Variants in COG5 observed in about 807,000 individuals in gnomAD.
COG5 encodes conserved oligomeric Golgi complex subunit 5.
In COG5, 86 loss-of-function variants were observed where a neutral mutation model predicts 110.4. The observed-to-expected ratio is 0.78, with a 90% confidence interval of 0.65 to 0.93. The LOEUF (loss-of-function observed/expected upper bound fraction) is 0.93, where lower values mean the gene tolerates loss of function less well. COG5 is among the 40% of genes least tolerant of loss of function. The pLI, the probability that COG5 is intolerant of heterozygous loss-of-function variation, is 0.00. For missense variants in COG5, 1,077 were observed against 987.0 expected (o/e 1.09, Z -1.22); for synonymous variants, 360 against 334.6 (o/e 1.08, Z -0.83).
chr7:107,400,241 C>T (rs138527952), intron 7 of COG5, among the ~76,000 whole-genome samples: 130 of 152,158 alleles, frequency 8.5e-4, no homozygotes, highest in Non-Finnish European at 1.6e-3. Context: ...TATCAATGCA[C>T]ATAACATGCA....
Position 107,295,066 on chromosome 7 carries a change from CATATATATAT to C in COG5, c.1313+3066_1313+3075del, listed in dbSNP as rs1186377118. 3.6e-3 allele frequency among the ~76,000 whole-genome samples: 166 copies of C among 45,830 alleles called. 3 individuals are homozygous for C. The highest frequency in any genetic ancestry group is 0.013 in the African/African-American group (139 of 11,086). 30.1% of individuals were successfully genotyped at this position (45,830 alleles called of 152,430 possible). A position where few individuals can be genotyped will look rare whatever the true frequency, so the allele number is the denominator to read the frequency against. Reference sequence around the variant, plus strand: ...ACACACACACACACACACACACACACATATATATATATATATATATATATATATATATATA... The same window carrying C: ...ACACACACACACACACACACACACACATATATATATATATATATATATATA... On this transcript the variant is annotated intron_variant, in intron 12 of 21. Coordinates refer to ENST00000297135, the MANE Select transcript of COG5 (RefSeq NM_006348.5).
intron 6 of COG5, among the ~76,000 whole-genome samples, chr7:107,512,054 G>A (rs1799558019): frequency 6.6e-6 from 1 of 152,154 alleles, no homozygotes; most frequent in Non-Finnish European, 1.5e-5. Flanking sequence ...AGGGCAATTA[G>A]GCAGGAGAAG....
intron 6 of COG5, among the ~76,000 whole-genome samples, chr7:107,451,957 T>A (rs564420003): frequency 6.6e-6 from 1 of 152,138 alleles, no homozygotes; most frequent in African/African-American, 2.4e-5. Context: ...AGCCCCCACA[T>A]TGTTCAAGGA....
chr7:107,501,334 A>T (rs1202041652), intron 6 of COG5, among the ~76,000 whole-genome samples: 1 of 152,148 alleles, frequency 6.6e-6, no homozygotes, highest in African/African-American at 2.4e-5. Context: ...AAACTTTGAT[A>T]CATTACTAGT....
intron 19 of COG5, among the ~76,000 whole-genome samples, chr7:107,212,567 G>A (rs1481906559): frequency 6.6e-6 from 1 of 152,216 alleles, no homozygotes; most frequent in Non-Finnish European, 1.5e-5. Context: ...AAAGCTCCTA[G>A]TTTTAACATA....
chr7:107,209,290 T>C (rs1376448303), intron 21 of COG5: 7 of 964,730 alleles, frequency 7.3e-6, no homozygotes, highest in Non-Finnish European at 8.6e-6. Context: ...TGAATGATGA[T>C]GTAAAGGTTT....
chr7:107,549,950 T>C (rs1448404157), intron 3 of COG5, among the ~76,000 whole-genome samples: 3 of 152,204 alleles, frequency 2.0e-5, no homozygotes, highest in African/African-American at 7.2e-5. Context: ...CATACATCTA[T>C]GTAAAAAGAT....
chr7:107,391,560 T>C (rs181089420), intron 7 of COG5, among the ~76,000 whole-genome samples: 50 of 152,318 alleles, frequency 3.3e-4, no homozygotes, highest in African/African-American at 1.2e-3. Context: ...CACTGCCAAA[T>C]CCAATGTCAT....
intron 5 of COG5, among the ~76,000 whole-genome samples, chr7:107,546,469 T>A (rs1802466481): frequency 7.8e-6 from 1 of 128,446 alleles, no homozygotes. Flanking sequence ...AAGGTCTCGC[T>A]CTTTTGTCCA....
At chr7:107,399,816 T>G (rs566126774) in intron 7 of COG5, among the ~76,000 whole-genome samples, 30 of 152,124 alleles carry the variant, frequency 2.0e-4, no homozygotes, top group Non-Finnish European at 3.8e-4. Context: ...GTTAAAAAGT[T>G]TGTCACATCA....
intron 14 of COG5, among the ~76,000 whole-genome samples, chr7:107,270,613 A>G (rs1804177247): frequency 6.7e-6 from 1 of 150,024 alleles, no homozygotes; most frequent in East Asian, 2.0e-4. Flanking sequence ...TAGACCCAAG[A>G]AAAGAAAGAT....
intron 14 of COG5, among the ~76,000 whole-genome samples, chr7:107,273,866 AATATTAT>A (rs1302722238): frequency 6.6e-6 from 1 of 152,180 alleles, no homozygotes; most frequent in Admixed American, 6.5e-5. Context: ...AAAATGTTTG[AATATTAT>A]ATGCCTGTGG....
intron 16 of COG5, among the ~76,000 whole-genome samples, chr7:107,256,295 G>A (rs999939109): frequency 6.6e-6 from 1 of 152,086 alleles, no homozygotes; most frequent in African/African-American, 2.4e-5. Context: ...CCTATGCATT[G>A]CAAGATGTTC....
rs572955275 is a variant in COG5, at chr7:107,471,001, G to A, written c.538+56236C>T. 2.0e-5 allele frequency among the ~76,000 whole-genome samples: 3 copies of A among 152,010 alleles called. No individual in the cohort carries two copies. The South Asian group carries it at 6.2e-4, about 32-fold the overall frequency. ...TTACAATATTTTTAGAGCAAAAAATGTTGTTAAATTTATTACAAAGAAGAA... is the reference window on the plus strand; with the variant it reads ...TTACAATATTTTTAGAGCAAAAAATATTGTTAAATTTATTACAAAGAAGAA... On this transcript the variant is annotated intron_variant, in intron 6 of 21. Coordinates refer to ENST00000297135, the MANE Select transcript of COG5 (RefSeq NM_006348.5).
Position 107,554,309 on chromosome 7 carries a change from C to T in COG5, c.268G>A (p.Ala90Thr), listed in dbSNP as rs773864216. The change falls in exon 3 of 22, where the codon GCA becomes ACA. Residue 90 changes from alanine (A) to threonine (T), a missense_variant. Ala to Thr is a moderately conservative substitution (Grantham distance 58). Transcript: ENST00000297135. ...CCTTCCAACGACTCAATCCCAGTTG[C>T]TTGTGCCAGTAAATCTTCATGTCTT... ...VARHEDLLAQ[A>T]TGIESLEGVL... 6.2e-6 allele frequency: 10 copies of T among 1,613,892 alleles called. No individual in the cohort carries two copies. The South Asian group carries it at 8.8e-5, about 14-fold the overall frequency.
chr7:107,362,453 A>C, intron 8 of COG5, 33 bp from the exon 9 acceptor site: 1 of 1,372,702 alleles, frequency 7.3e-7, no homozygotes, highest in Non-Finnish European at 1.0e-6. Context: ...AATGAAAAAT[A>C]AAGTTTTCCA....
chr7:107,324,376 G>C lies in COG5; in HGVS notation c.1108+64C>G, dbSNP rs1809574905. The C allele has an allele frequency of 2.3e-5, 24 of 1,035,714 alleles. No homozygotes were observed. In the South Asian group the frequency reaches 3.4e-4, roughly 15 times the overall value. 64.2% of individuals were successfully genotyped at this position (1,035,714 alleles called of 1,614,324 possible). On this transcript the variant is annotated intron_variant, in intron 11 of 21. Transcript: ENST00000297135. ...GTAAACCAATACAGCAAAGCTTCTT[G>C]ACATCAAATGATAAAATAACTTAAA...
At chr7:107,451,917 T>G (rs1223197196) in intron 6 of COG5, among the ~76,000 whole-genome samples, 1 of 152,112 alleles carries the variant, frequency 6.6e-6, no homozygotes, top group Non-Finnish European at 1.5e-5. Context: ...TATACATGGA[T>G]TTTTGACTGC....
At chr7:107,559,229 A>G (rs1169190489) in intron 1 of COG5, among the ~76,000 whole-genome samples, 3 of 152,190 alleles carry the variant, frequency 2.0e-5, no homozygotes, top group Non-Finnish European at 2.9e-5. Flanking sequence ...CAGAAGTAAT[A>G]CCAGATGTTA....
Sources: gnomAD v4.1 joint callset for allele counts (sites outside exome capture counted in the v4.1 genomes callset) on GRCh38, gnomAD v4.1.1 for gene constraint, MANE v1.5 for transcripts, NCBI Gene and HGNC (gene_info 2026-07-23, HGNC 2026-07-21) for gene names.